NDST4: variants seen among roughly 807,000 people sequenced by gnomAD.
NDST4 encodes N-deacetylase and N-sulfotransferase 4.
In NDST4, 63 loss-of-function variants were observed where a neutral mutation model predicts 100.8. That is an observed-to-expected ratio of 0.62 (90% CI 0.51 to 0.77). The LOEUF is 0.77. NDST4 is among the 30% of genes least tolerant of loss of function. The pLI, the probability that NDST4 is intolerant of heterozygous loss-of-function variation, is 0.00. For missense variants in NDST4, 943 were observed against 1,018.4 expected, an observed-to-expected ratio of 0.93 and a Z score of 1.01; for synonymous variants, 377 against 361.8, an observed-to-expected ratio of 1.04 and a Z score of -0.48.
chr4:114,973,963 C>G (rs1726572798), intron 3 of NDST4, among the ~76,000 whole-genome samples: 1 of 151,752 alleles, frequency 6.6e-6, no homozygotes, highest in African/African-American at 2.4e-5. Context: ...TGATTAAAAG[C>G]TACCTATGGT....
chr4:115,087,780 T>C (rs1167341354), intron 1 of NDST4, among the ~76,000 whole-genome samples: 1 of 151,954 alleles, frequency 6.6e-6, no homozygotes, highest in Non-Finnish European at 1.5e-5. Flanking sequence ...GTAAACTTTT[T>C]TTCTGTAACT....
chr4:115,100,093 T>G (rs1452261209), intron 1 of NDST4, among the ~76,000 whole-genome samples: 2 of 152,078 alleles, frequency 1.3e-5, no homozygotes, highest in Non-Finnish European at 2.9e-5. Flanking sequence ...TCCATTTATA[T>G]GAAATTCTGG....
At chr4:114,945,079 C>G (rs952597081) in intron 4 of NDST4, among the ~76,000 whole-genome samples, 2 of 152,002 alleles carry the variant, frequency 1.3e-5, no homozygotes, top group South Asian at 4.2e-4. Context: ...TGTGGTGGCA[C>G]ATGCCTGTAA....
At chr4:115,042,516 T>C (rs924065460) in intron 2 of NDST4, among the ~76,000 whole-genome samples, 5 of 152,160 alleles carry the variant, frequency 3.3e-5, no homozygotes, top group African/African-American at 1.2e-4. Context: ...ACATAACTTA[T>C]ATTACAGTAT....
At chr4:115,061,281 C>A (rs2126283436) in intron 2 of NDST4, among the ~76,000 whole-genome samples, 1 of 152,056 alleles carries the variant, frequency 6.6e-6, no homozygotes, top group South Asian at 2.1e-4. Flanking sequence ...GGGTATATAC[C>A]CAAAGAATTA....
At chr4:115,061,305 T>C (rs1728814352) in intron 2 of NDST4, among the ~76,000 whole-genome samples, 2 of 152,108 alleles carry the variant, frequency 1.3e-5, no homozygotes, top group South Asian at 4.1e-4. Context: ...ATCAATCTAC[T>C]GTAAAGACAC....
chr4:115,046,731 A>G (rs1451232125), intron 2 of NDST4, among the ~76,000 whole-genome samples: 1 of 152,160 alleles, frequency 6.6e-6, no homozygotes, highest in Non-Finnish European at 1.5e-5. Flanking sequence ...CTTATACTGG[A>G]AAATTGTTTA....
At chr4:114,917,578 G>A (rs1038913784) in intron 6 of NDST4, among the ~76,000 whole-genome samples, 2 of 152,056 alleles carry the variant, frequency 1.3e-5, no homozygotes, top group African/African-American at 4.8e-5. Flanking sequence ...AAGAGTTCAA[G>A]TCCAGGCTAG....
chr4:114,949,910 A>G (rs1278516264), intron 4 of NDST4, among the ~76,000 whole-genome samples: 2 of 152,106 alleles, frequency 1.3e-5, no homozygotes, highest in Non-Finnish European at 2.9e-5. Context: ...GCCTGAAACG[A>G]GAAAGTAAAA....
chr4:114,970,302 C>T, intron 4 of NDST4, 128 bp downstream of exon 4: 2 of 775,140 alleles, frequency 2.6e-6, no homozygotes, highest in Non-Finnish European at 4.0e-6. Flanking sequence ...ACCCTCAATA[C>T]ATGTGATGCA....
intron 2 of NDST4, among the ~76,000 whole-genome samples, chr4:115,063,607 G>T (rs1451261284): frequency 1.3e-5 from 2 of 151,396 alleles, no homozygotes; most frequent in African/African-American, 4.9e-5. Context: ...TAGGAACACA[G>T]TGGCTTTAGC....
intron 2 of NDST4, among the ~76,000 whole-genome samples, chr4:115,058,458 GAGCTAA>G (rs1482757640): frequency 6.6e-6 from 1 of 152,110 alleles, no homozygotes; most frequent in Non-Finnish European, 1.5e-5. Flanking sequence ...AAGTTTGGAT[GAGCTAA>G]ATATCCTAGC....
chr4:114,872,903 G>C (rs1284174944), intron 6 of NDST4, among the ~76,000 whole-genome samples: 1 of 151,880 alleles, frequency 6.6e-6, no homozygotes, highest in Non-Finnish European at 1.5e-5. Flanking sequence ...CATTGAGTTT[G>C]ACATCCGTCA....
chr4:114,874,670 C>T (rs1724221513), intron 6 of NDST4, among the ~76,000 whole-genome samples: 1 of 152,068 alleles, frequency 6.6e-6, no homozygotes, highest in South Asian at 2.1e-4. Context: ...CATTTCTGGG[C>T]AAATGGCTTC....
chr4:114,999,266 T>G (rs1266814707), intron 2 of NDST4, among the ~76,000 whole-genome samples: 2 of 152,080 alleles, frequency 1.3e-5, no homozygotes, highest in African/African-American at 4.8e-5. Flanking sequence ...TAAGCAGTCT[T>G]GCTTCTGAGT....
chr4:114,839,475 G>A lies in NDST4; in HGVS notation c.2189C>T (p.Ala730Val). ...FYEVISTGHW[A>V]PSDLKTLQRR... ...CTGCAAAGTTTTTAAGTCAGATGGA[G>A]CCCAATGTCCTGTTGAAATAACTTC... The change falls in exon 11 of 14, where the codon GCT becomes GTT. Residue 730 changes from alanine to valine, a missense_variant. This residue lies in a region of NDST4 where 526 missense variants were observed against 634.1 expected (regional missense o/e 0.83). Coordinates refer to ENST00000264363, the MANE Select transcript of NDST4 (RefSeq NM_022569.3). 6.2e-7 allele frequency: 1 copy of A among 1,613,990 alleles called. No homozygotes were observed. Among genetic ancestry groups the A allele is most frequent in the Non-Finnish European group, 8.5e-7 (1 of 1,179,946 alleles).
chr4:114,909,350 A>G (rs965090743), intron 6 of NDST4, among the ~76,000 whole-genome samples: 2 of 152,156 alleles, frequency 1.3e-5, no homozygotes, highest in African/African-American at 4.8e-5. Context: ...AATCTCAACT[A>G]CTGAGACTTC....
intron 10 of NDST4, among the ~76,000 whole-genome samples, chr4:114,844,270 A>G (rs191364829): frequency 6.6e-6 from 1 of 152,296 alleles, no homozygotes; most frequent in East Asian, 1.9e-4. Flanking sequence ...ATAGCAGATA[A>G]TGTGATGTAT....
At chr4:115,055,217 A>T (rs1457707885) in intron 2 of NDST4, among the ~76,000 whole-genome samples, 1 of 152,148 alleles carries the variant, frequency 6.6e-6, no homozygotes, top group Non-Finnish European at 1.5e-5. Context: ...AAACAAGCTT[A>T]GGGCTCCCAC....
Sources: gnomAD v4.1 joint callset for allele counts (sites outside exome capture counted in the v4.1 genomes callset) on GRCh38, gnomAD v4.1.1 for gene constraint, gnomAD v4.1.1 regional missense constraint, MANE v1.5 for transcripts, NCBI Gene and HGNC (gene_info 2026-07-23, HGNC 2026-07-21) for gene names.